The following ITSN2 variants were observed in gnomAD, a reference collection of about 807,000 sequenced individuals.
ITSN2 encodes the protein intersectin 2, also known as intersectin-2.
A neutral mutation model predicts 243.7 loss-of-function variants in ITSN2; 156 were observed. The ratio of observed to expected loss-of-function variants is 0.64; its 90% CI spans 0.56 to 0.73. The LOEUF (loss-of-function observed/expected upper bound fraction) is 0.73, where lower values mean the gene tolerates loss of function less well. Ranked by LOEUF, ITSN2 falls within the 30% of genes least tolerant of loss-of-function variation. The pLI is 0.00. For missense variants in ITSN2, 1,801 were observed against 1,996.1 expected (o/e 0.90, Z 1.86); for synonymous variants, 703 against 699.9 (o/e 1.00, Z -0.07).
intron 29 of ITSN2, among the ~76,000 whole-genome samples, chr2:24,226,857 A>G (rs1489959662): frequency 6.6e-6 from 1 of 152,180 alleles, no homozygotes; most frequent in East Asian, 1.9e-4. Context: ...ATTTCACTTT[A>G]AAGAAAAAGA....
At chr2:24,308,245 C>T (rs1408775028) in intron 8 of ITSN2, among the ~76,000 whole-genome samples, 2 of 152,218 alleles carry the variant, frequency 1.3e-5, no homozygotes, top group Non-Finnish European at 2.9e-5. Flanking sequence ...AAGCCCAATG[C>T]AGAGGAGGAT....
intron 32 of ITSN2, chr2:24,214,529 A>G (rs1669786530): frequency 6.6e-6 from 1 of 152,182 alleles, no homozygotes; most frequent in South Asian, 2.1e-4. Context: ...AAGTTTTAAT[A>G]GAAAATTACA....
intron 1 of ITSN2, among the ~76,000 whole-genome samples, chr2:24,338,364 T>C (rs573383210): frequency 2.0e-5 from 3 of 152,290 alleles, no homozygotes; most frequent in African/African-American, 7.2e-5. Context: ...ACCAATGTAT[T>C]TCTTAAATGT....
At chr2:24,320,288 G>C (rs573476837) in intron 2 of ITSN2, among the ~76,000 whole-genome samples, 1 of 152,004 alleles carries the variant, frequency 6.6e-6, no homozygotes, top group East Asian at 1.9e-4. Flanking sequence ...GGGAGGCCGA[G>C]GAGGGTGGAT....
chr2:24,220,794 T>C, intron 30 of ITSN2, 151 bp downstream of exon 30: 1 of 1,433,170 alleles, frequency 7.0e-7, no homozygotes, highest in East Asian at 2.7e-5. Flanking sequence ...ATTTGGAGGA[T>C]GTGAGAGCTT....
chr2:24,288,768 T>C (rs1679863276), intron 15 of ITSN2, among the ~76,000 whole-genome samples: 1 of 152,162 alleles, frequency 6.6e-6, no homozygotes, highest in Admixed American at 6.5e-5. Context: ...TTCTTGAACT[T>C]ATTCCTCCTA....
intron 1 of ITSN2, among the ~76,000 whole-genome samples, chr2:24,358,059 G>A (rs971660469): frequency 3.9e-5 from 6 of 152,114 alleles, no homozygotes; most frequent in Non-Finnish European, 8.8e-5. Context: ...GACTACAGGC[G>A]CACGCCACCA....
Position 24,302,004 on chromosome 2 carries a change from G to A in ITSN2, c.956C>T (p.Pro319Leu). ...TDMAKAGQPL[P>L]LTLPPELVPP... is the part of the protein sequence containing the mutation. ...AACAAGCTCAGGAGGTAAAGTCAGT[G>A]GTAATGGCTGTCCAGCTTTGGCCAT... The change falls in exon 10 of 40, where the codon CCA becomes CTA. Residue 319 changes from proline to leucine, a missense_variant. By Grantham distance (98) the Pro-to-Leu change is moderately conservative (BLOSUM62 -3). Coordinates refer to ENST00000355123, the MANE Select transcript of ITSN2 (RefSeq NM_006277.3). The A allele has an allele frequency of 6.2e-7, 1 of 1,612,994 alleles. No individual in the cohort carries two copies. The highest frequency in any genetic ancestry group is 2.2e-5 in the East Asian group (1 of 44,768).
intron 29 of ITSN2, among the ~76,000 whole-genome samples, chr2:24,224,469 T>G (rs571377300): frequency 5.9e-5 from 9 of 152,208 alleles, no homozygotes; most frequent in Non-Finnish European, 1.3e-4. Flanking sequence ...CCACAAGTAT[T>G]GGCCACTGTA....
intron 15 of ITSN2, among the ~76,000 whole-genome samples, chr2:24,291,688 C>T (rs577960414): frequency 3.3e-5 from 5 of 152,058 alleles, no homozygotes; most frequent in Admixed American, 6.6e-5. Context: ...TGGCGTATCA[C>T]CATGTTGGCC....
At chr2:24,236,556 A>T (rs1315460589) in intron 29 of ITSN2, among the ~76,000 whole-genome samples, 1 of 152,142 alleles carries the variant, frequency 6.6e-6, no homozygotes, top group Non-Finnish European at 1.5e-5. Flanking sequence ...TACTATTGTC[A>T]TAGAGTCTTG....
rs780150634 is a variant in ITSN2, at chr2:24,246,903, A to G, written c.3289-10T>C. 4.5e-6 allele frequency: 7 copies of G among 1,547,280 alleles called. No homozygotes were observed. In the Admixed American group the frequency reaches 6.9e-5, roughly 15 times the overall value. On this transcript the variant is annotated splice_polypyrimidine_tract_variant and intron_variant, in intron 27 of 39. Transcript: ENST00000355123. ...GCTTTTTTCCTCTGGCCTAAAAATTAGCAAAAGAAATACATAATTGAAAGA... is the reference window on the plus strand; with the variant it reads ...GCTTTTTTCCTCTGGCCTAAAAATTGGCAAAAGAAATACATAATTGAAAGA...
In ITSN2 at chr2:24,284,826, G is replaced by T; in HGVS notation, c.1881C>A (p.Asp627Glu). The T allele has an allele frequency of 6.3e-7, 1 of 1,596,796 alleles. No individual in the cohort carries two copies. Among genetic ancestry groups the T allele is most frequent in the Non-Finnish European group, 8.6e-7 (1 of 1,166,656 alleles). Residue 627 changes from aspartate to glutamate, a missense_variant, in exon 17 of 40, where the codon GAC (aspartate) becomes GAA (glutamate). By Grantham distance (45) the Asp-to-Glu change is conservative. Coordinates refer to ENST00000355123, the MANE Select transcript of ITSN2 (RefSeq NM_006277.3). ...GAGACAAAAGGCACTGAAGAACAGA[G>T]TCATCCATATTCCCACACTGTAAGA... ...NNQLKCGNMDDSVLQCLLSLL... is the reference protein window; with the variant it reads ...NNQLKCGNMDESVLQCLLSLL...
chr2:24,358,557 T>C (rs1464247330), intron 1 of ITSN2, among the ~76,000 whole-genome samples: 1 of 152,182 alleles, frequency 6.6e-6, no homozygotes, highest in Non-Finnish European at 1.5e-5. Flanking sequence ...TTACTAAAGA[T>C]GGAAATTTGT....
intron 1 of ITSN2, among the ~76,000 whole-genome samples, chr2:24,337,315 A>AATATATATAT (rs201712131): frequency 8.4e-4 from 27 of 31,982 alleles, no homozygotes; most frequent in Admixed American, 1.1e-3. Context: ...GTATACACAA[A>AATATATATAT]ATATATATAT....
intron 29 of ITSN2, among the ~76,000 whole-genome samples, chr2:24,237,009 T>A (rs1264039644): frequency 6.6e-6 from 1 of 152,066 alleles, no homozygotes; most frequent in Non-Finnish European, 1.5e-5. Context: ...TTCACTGGTA[T>A]GAGTAACAGT....
chr2:24,302,170 C>G, intron 9 of ITSN2, 68 bp from the exon 10 acceptor site: 1 of 952,268 alleles, frequency 1.1e-6, no homozygotes, highest in Non-Finnish European at 1.5e-6. Context: ...CTTAAAAGTT[C>G]AATTTTTATT....
chr2:24,334,310 C>T lies in ITSN2; in HGVS notation c.-33-6195G>A, dbSNP rs113867167. Among the ~76,000 whole-genome samples the T allele has an allele frequency of 9.5e-4, 144 of 152,264 alleles. 1 individual carries two copies. Among genetic ancestry groups the T allele is most frequent in the Middle Eastern group, 3.4e-3 (1 of 294 alleles). On this transcript the variant is annotated intron_variant, in intron 1 of 39. Transcript: ENST00000355123. ...CTGACCTCACGTGATCCGCCCGCCT[C>T]GGCTTCCCAAAGTGTTGCGATTACA...
At chr2:24,227,939 G>C (rs1333435906) in intron 29 of ITSN2, among the ~76,000 whole-genome samples, 1 of 152,058 alleles carries the variant, frequency 6.6e-6, no homozygotes, top group Non-Finnish European at 1.5e-5. Context: ...GAGACACAGA[G>C]GACAGAATGA....
Sources: gnomAD v4.1 joint callset for allele counts (sites outside exome capture counted in the v4.1 genomes callset) on GRCh38, gnomAD v4.1.1 for gene constraint, MANE v1.5 for transcripts, NCBI Gene and HGNC (gene_info 2026-07-23, HGNC 2026-07-21) for gene names.